Variants in RAP1A observed in about 807,000 individuals in gnomAD.
RAP1A encodes RAP1A, member of RAS oncogene family, also known as ras-related protein Rap-1A.
RAP1A carries 6 observed loss-of-function variants against 26.4 expected under a neutral mutation model. The observed-to-expected ratio is 0.23, with a 90% CI of 0.12 to 0.45. The LOEUF is 0.45. RAP1A is among the 20% of genes least tolerant of loss of function. RAP1A has a pLI of 0.99. For missense variants in RAP1A, 121 were observed against 217.2 expected (o/e 0.56, Z 2.78); for synonymous variants, 73 against 79.4 (o/e 0.92, Z 0.43).
At chr1:111,551,837 A>G (rs1268518648) in intron 1 of RAP1A, among the ~76,000 whole-genome samples, 1 of 151,844 alleles carries the variant, frequency 6.6e-6, no homozygotes, top group Non-Finnish European at 1.5e-5. Flanking sequence ...CACTCAGCCG[A>G]GCGGTTTACA....
At chr1:111,652,389 T>C (rs945392773) in intron 1 of RAP1A, among the ~76,000 whole-genome samples, 6 of 152,210 alleles carry the variant, frequency 3.9e-5, no homozygotes, top group Non-Finnish European at 8.8e-5. Context: ...CAAGGCTAAT[T>C]ATGAAACAGT....
chr1:111,618,825 A>G (rs1416827807), upstream of RAP1A, among the ~76,000 whole-genome samples: 1 of 151,994 alleles, frequency 6.6e-6, no homozygotes, highest in East Asian at 1.9e-4. Flanking sequence ...GTATCTAAAT[A>G]AAATAAAATA....
intron 1 of RAP1A, among the ~76,000 whole-genome samples, chr1:111,559,868 C>G (rs1185723291): frequency 6.6e-6 from 1 of 152,102 alleles, no homozygotes; most frequent in Non-Finnish European, 1.5e-5. Context: ...AAAGATGCAG[C>G]ATAAATTACT....
At chr1:111,643,185 C>G (rs930328688) in intron 1 of RAP1A, among the ~76,000 whole-genome samples, 5 of 152,174 alleles carry the variant, frequency 3.3e-5, no homozygotes, top group African/African-American at 1.2e-4. Flanking sequence ...TTTACATAAG[C>G]AAATGAGAGT....
intron 1 of RAP1A, among the ~76,000 whole-genome samples, chr1:111,625,173 A>G (rs1337097509): frequency 2.0e-5 from 3 of 152,204 alleles, no homozygotes; most frequent in Non-Finnish European, 2.9e-5. Context: ...GAAGTGCCTT[A>G]CCTTGAACAC....
At chr1:111,662,223 G>A (rs1227783991) in intron 1 of RAP1A, among the ~76,000 whole-genome samples, 1 of 151,668 alleles carries the variant, frequency 6.6e-6, no homozygotes, top group East Asian at 1.9e-4. Context: ...GTGAAACCCC[G>A]TCTCTACTAA....
intron 1 of RAP1A, among the ~76,000 whole-genome samples, chr1:111,651,839 C>G (rs995097293): frequency 2.6e-5 from 4 of 151,936 alleles, no homozygotes; most frequent in African/African-American, 9.7e-5. Flanking sequence ...GTCTCGATCT[C>G]TTGACCTCAT....
At chr1:111,664,762 CTGAGTTTAAATCG>C (rs1660751148) in intron 1 of RAP1A, among the ~76,000 whole-genome samples, 2 of 152,204 alleles carry the variant, frequency 1.3e-5, no homozygotes, top group Admixed American at 1.3e-4. Flanking sequence ...ACCAGGTTGC[CTGAGTTTAAATCG>C]TGGCTTTTCT....
At chr1:111,542,260 G>T in exon 1 of RAP1A, 2 of 607,910 alleles carry the variant, frequency 3.3e-6, no homozygotes, top group Non-Finnish European at 3.0e-6. Context: ...ACATATTGAG[G>T]CCGTATTTCA....
chr1:111,693,972 T>G (rs933842314), intron 2 of RAP1A, among the ~76,000 whole-genome samples: 1 of 151,970 alleles, frequency 6.6e-6, no homozygotes, highest in Non-Finnish European at 1.5e-5. Flanking sequence ...CACTGCATCT[T>G]CAACCTCCTA....
intron 1 of RAP1A, among the ~76,000 whole-genome samples, chr1:111,552,802 G>A (rs1031429787): frequency 6.6e-6 from 1 of 152,166 alleles, no homozygotes; most frequent in Admixed American, 6.5e-5. Flanking sequence ...TTTAACATCT[G>A]TAAAATGGGA....
intron 1 of RAP1A, among the ~76,000 whole-genome samples, chr1:111,621,740 C>CAT: frequency 6.6e-6 from 1 of 152,256 alleles, no homozygotes. Context: ...AGTTAATAGG[C>CAT]ATTTATTCAC....
At chr1:111,606,015 C>T (rs1658767354) in intron 1 of RAP1A, among the ~76,000 whole-genome samples, 1 of 152,142 alleles carries the variant, frequency 6.6e-6, no homozygotes, top group African/African-American at 2.4e-5. Flanking sequence ...GCTGAGGGCC[C>T]AAATGCCTCT....
intron 1 of RAP1A, among the ~76,000 whole-genome samples, chr1:111,565,813 A>G (rs1472760307): frequency 6.6e-6 from 1 of 152,146 alleles, no homozygotes; most frequent in Non-Finnish European, 1.5e-5. Flanking sequence ...TACAAAATCT[A>G]CAATTAAATA....
intron 1 of RAP1A, among the ~76,000 whole-genome samples, chr1:111,613,636 C>T (rs1658964947): frequency 6.6e-6 from 1 of 152,160 alleles, no homozygotes. Context: ...ATAGCTTATA[C>T]CTCATGTAAC....
At chr1:111,696,721 T>A (rs1011879381) in intron 3 of RAP1A, among the ~76,000 whole-genome samples, 5 of 152,220 alleles carry the variant, frequency 3.3e-5, no homozygotes, top group African/African-American at 1.2e-4. Context: ...TCTTAATCCC[T>A]TCTTTATTAA....
intron 1 of RAP1A, among the ~76,000 whole-genome samples, chr1:111,659,964 C>T (rs575713805): frequency 1.3e-5 from 2 of 152,160 alleles, no homozygotes; most frequent in Non-Finnish European, 2.9e-5. Context: ...TCACCTAATA[C>T]CTTGTTGCTG....
chr1:111,597,687 C>T (rs1658587063), intron 1 of RAP1A, among the ~76,000 whole-genome samples: 1 of 152,162 alleles, frequency 6.6e-6, no homozygotes, highest in Non-Finnish European at 1.5e-5. Flanking sequence ...CTCCGACAGA[C>T]CACAGAGCAA....
Position 111,715,327 on chromosome 1 carries a change from C to CT in RAP1A, c.*2927dup, listed in dbSNP as rs1553229943. On this transcript the variant is annotated 3_prime_UTR_variant, in exon 8 of 8. Transcript: ENST00000369709. ...TCCTGACTTCGTGATCCGCCCCCCC[C>CT]TCAGCCTCCCAAAGTGCTGGGATTA... 1 of 151,320 alleles carries CT rather than the reference C, an allele frequency of 6.6e-6. No homozygotes were observed. 9.4% of individuals were successfully genotyped at this position (151,320 alleles called of 1,614,324 possible).
Sources: allele counts gnomAD v4.1 joint callset (sites outside exome capture counted in the v4.1 genomes callset), GRCh38; gene constraint gnomAD v4.1.1; transcripts MANE v1.5; gene names NCBI Gene and HGNC (gene_info 2026-07-23, HGNC 2026-07-21).